HHLA2: variants seen among roughly 807,000 people sequenced by gnomAD.
HHLA2 encodes the protein HHLA2 member of B7 family.
A neutral mutation model predicts 45.9 loss-of-function variants in HHLA2; 48 were observed. The ratio of observed to expected loss-of-function variants is 1.05; its 90% CI spans 0.83 to 1.33. HHLA2 has a LOEUF of 1.33. HHLA2 is among the 40% of genes most tolerant of loss of function. The pLI is 0.00. For synonymous variants in HHLA2, 161 were observed against 173.9 expected, an observed-to-expected ratio of 0.93 and a Z score of 0.59; for missense variants, 462 against 494.3, an observed-to-expected ratio of 0.93 and a Z score of 0.62.
chr3:108,312,782 T>C (rs1252147335), intron 2 of HHLA2, among the ~76,000 whole-genome samples: 9 of 152,218 alleles, frequency 5.9e-5, no homozygotes, highest in East Asian at 5.8e-4. Flanking sequence ...TCACCCTCAG[T>C]AATTCCACTG....
exon 5 of HHLA2, chr3:108,353,501 A>T: frequency 6.2e-7 from 1 of 1,610,120 alleles, no homozygotes; most frequent in Non-Finnish European, 8.5e-7. Flanking sequence ...TGATGAAGAT[A>T]TAATTCTCCC....
chr3:108,369,710 C>T (rs1318821959), intron 8 of HHLA2, among the ~76,000 whole-genome samples: 1 of 152,162 alleles, frequency 6.6e-6, no homozygotes, highest in Admixed American at 6.5e-5. Context: ...GAGTCTCGCT[C>T]ATTGCTAGCA....
intron 8 of HHLA2, among the ~76,000 whole-genome samples, chr3:108,370,854 G>C (rs1470007306): frequency 2.0e-5 from 3 of 152,226 alleles, no homozygotes; most frequent in African/African-American, 7.2e-5. Context: ...CGTCTGATTG[G>C]TGTACCTGAA....
intron 8 of HHLA2, among the ~76,000 whole-genome samples, chr3:108,374,672 T>C (rs1371660430): frequency 4.0e-5 from 6 of 149,922 alleles, no homozygotes; most frequent in African/African-American, 9.8e-5. Flanking sequence ...GGGCAAAGGA[T>C]ATGAACAGAC....
intron 3 of HHLA2, among the ~76,000 whole-genome samples, chr3:108,335,781 G>C (rs187619280): frequency 9.2e-5 from 14 of 152,206 alleles, no homozygotes; most frequent in African/African-American, 3.4e-4. Flanking sequence ...CATCCAGATA[G>C]AACATGACTG....
At chr3:108,333,175 G>A (rs1488261508) in intron 3 of HHLA2, among the ~76,000 whole-genome samples, 2 of 152,094 alleles carry the variant, frequency 1.3e-5, no homozygotes, top group African/African-American at 4.8e-5. Context: ...ATACCAAAAC[G>A]AAGAGAATGG....
At chr3:108,368,569 A>AAAAC (rs2082108495) in intron 8 of HHLA2, among the ~76,000 whole-genome samples, 1 of 127,746 alleles carries the variant, frequency 7.8e-6, no homozygotes, top group Non-Finnish European at 1.6e-5. Context: ...AAAAAAAAAA[A>AAAAC]AGCAGGGGTT....
At chr3:108,339,652 A>T (rs1451926543) in intron 3 of HHLA2, among the ~76,000 whole-genome samples, 1 of 152,212 alleles carries the variant, frequency 6.6e-6, no homozygotes, top group East Asian at 1.9e-4. Flanking sequence ...ATAAAACGCA[A>T]GAGAAAAGAG....
intron 2 of HHLA2, chr3:108,325,847 C>G (rs567132659): frequency 2.6e-6 from 1 of 379,578 alleles, no homozygotes; most frequent in South Asian, 2.4e-5. Context: ...ACGACCACCA[C>G]TCACATCTCT....
intron 1 of HHLA2, among the ~76,000 whole-genome samples, chr3:108,309,475 T>C (rs1221001444): frequency 6.6e-6 from 1 of 152,220 alleles, no homozygotes; most frequent in South Asian, 2.1e-4. Context: ...TTGCTTAGGA[T>C]GGCTCTGGTA....
At chr3:108,354,253 T>A (rs949897295) in intron 5 of HHLA2, among the ~76,000 whole-genome samples, 2 of 152,122 alleles carry the variant, frequency 1.3e-5, no homozygotes, top group Non-Finnish European at 2.9e-5. Context: ...ATTAGCTATA[T>A]ATAACACTAT....
At chr3:108,353,825 C>G in intron 5 of HHLA2, 45 bp downstream of exon 4, 1 of 1,401,306 alleles carries the variant, frequency 7.1e-7, no homozygotes, top group Non-Finnish European at 9.8e-7. Context: ...TGACATCATT[C>G]CATGTTATTA....
At chr3:108,368,568 A>AAAAAAAAAAAAAAAAAAC (rs2082108253) in intron 8 of HHLA2, among the ~76,000 whole-genome samples, 1 of 135,732 alleles carries the variant, frequency 7.4e-6, no homozygotes, top group East Asian at 2.0e-4. Context: ...AAAAAAAAAA[A>AAAAAAAAAAAAAAAAAAC]AAGCAGGGGT....
chr3:108,367,596 A>T (rs369466068), intron 8 of HHLA2, among the ~76,000 whole-genome samples: 6 of 152,056 alleles, frequency 3.9e-5, no homozygotes, highest in African/African-American at 1.4e-4. Flanking sequence ...CAAGCAGAAG[A>T]AAGGATATCA....
rs151261587 is a variant in HHLA2 at position 108,316,826 on chromosome 3, G to A, written c.-105+6085G>A. Among the ~76,000 whole-genome samples the A allele has an allele frequency of 9.2e-4, 140 of 152,054 alleles. 2 individuals carry two copies. In the East Asian group the frequency reaches 0.016, roughly 18 times the overall value. ...ATTTGGCAACCCTATGTCAGTTCAC[G>A]AAAACCATTTTCTTTAGGAATTTAA... On this transcript the variant is annotated intron_variant, in intron 2 of 10. Coordinates refer to ENST00000619531, the Ensembl canonical transcript of HHLA2.
In HHLA2 at chr3:108,300,007, A is replaced by G. The variant is rs544321140; in HGVS notation, c.-192+3408A>G. ...CAACTCTTCTTAAGAAAAAGGAGAT[A>G]GGGAAATGGCGCTTTGGGGAAAGAA... On this transcript the variant is annotated intron_variant, in intron 1 of 10. Coordinates refer to ENST00000619531, the Ensembl canonical transcript of HHLA2. Among the ~76,000 whole-genome samples the G allele has an allele frequency of 9.4e-4, 143 of 152,290 alleles. 1 individual carries two copies. The highest frequency in any genetic ancestry group is 3.4e-3 in the African/African-American group (141 of 41,560).
chr3:108,309,240 T>G (rs1187554208), intron 1 of HHLA2, among the ~76,000 whole-genome samples: 7 of 152,204 alleles, frequency 4.6e-5, no homozygotes, highest in Non-Finnish European at 1.0e-4. Flanking sequence ...TATCCAGTTT[T>G]GCAAGCACCA....
At chr3:108,361,653 A>G (rs2081986727) in intron 7 of HHLA2, among the ~76,000 whole-genome samples, 1 of 152,158 alleles carries the variant, frequency 6.6e-6, no homozygotes, top group Non-Finnish European at 1.5e-5. Context: ...ATTAGTGTAT[A>G]GTATGCATAG....
At chr3:108,301,890 G>A (rs1431283851) in intron 1 of HHLA2, among the ~76,000 whole-genome samples, 1 of 152,022 alleles carries the variant, frequency 6.6e-6, no homozygotes, top group South Asian at 2.1e-4. Flanking sequence ...CGAGTGACTC[G>A]CATTTACCAA....
Sources: allele counts gnomAD v4.1 joint callset (sites outside exome capture counted in the v4.1 genomes callset), GRCh38; gene constraint gnomAD v4.1.1; transcripts MANE v1.5; gene names NCBI Gene and HGNC (gene_info 2026-07-23, HGNC 2026-07-21).